Variants in PAM observed in about 807,000 individuals in gnomAD.
The protein encoded by PAM is peptidylglycine alpha-amidating monooxygenase, also known as peptidyl-glycine alpha-amidating monooxygenase.
A neutral mutation model predicts 122.1 loss-of-function variants in PAM; 72 were observed. The observed-to-expected ratio is 0.59, with a 90% CI of 0.49 to 0.72. PAM has a LOEUF of 0.72. Ranked by LOEUF, PAM falls within the 30% of genes least tolerant of loss-of-function variation. PAM has a pLI of 0.00. For missense variants in PAM, 1,106 were observed against 1,183.7 expected (o/e 0.93, Z 0.96); for synonymous variants, 389 against 404.4 (o/e 0.96, Z 0.46).
intron 12 of PAM, among the ~76,000 whole-genome samples, chr5:102,956,409 C>T (rs772324512): frequency 5.3e-5 from 8 of 152,040 alleles, no homozygotes; most frequent in Non-Finnish European, 8.8e-5. Flanking sequence ...AAATAACCTG[C>T]GACCTTAGCT....
intron 15 of PAM, among the ~76,000 whole-genome samples, chr5:102,979,030 T>TCACACACA (rs10578523): frequency 1.4e-5 from 2 of 147,814 alleles, no homozygotes; most frequent in African/African-American, 5.0e-5. Flanking sequence ...TTATTCTGCA[T>TCACACACA]CACACACACA....
At chr5:102,778,478 A>G (rs1181421407) in intron 1 of PAM, among the ~76,000 whole-genome samples, 2 of 152,152 alleles carry the variant, frequency 1.3e-5, no homozygotes, top group Non-Finnish European at 2.9e-5. Context: ...AAGGATTCAG[A>G]ATAATCAAAA....
intron 1 of PAM, among the ~76,000 whole-genome samples, chr5:102,844,982 A>G (rs1267052495): frequency 6.6e-6 from 1 of 152,182 alleles, no homozygotes; most frequent in African/African-American, 2.4e-5. Flanking sequence ...ATTCCTCTCA[A>G]CCTGTGTTAT....
At chr5:102,924,477 C>A (rs995148906) in intron 5 of PAM, among the ~76,000 whole-genome samples, 1 of 151,132 alleles carries the variant, frequency 6.6e-6, no homozygotes, top group Admixed American at 6.6e-5. Context: ...AAGGGACACA[C>A]TTGTATTGCT....
chr5:103,027,968 A>C (rs537472352), intron 24 of PAM, among the ~76,000 whole-genome samples: 2 of 152,326 alleles, frequency 1.3e-5, no homozygotes, highest in Admixed American at 1.3e-4. Context: ...AAGACTGCAC[A>C]GCCAGTAAGA....
chr5:102,896,951 G>A (rs774793021), intron 3 of PAM, among the ~76,000 whole-genome samples: 4 of 151,564 alleles, frequency 2.6e-5, no homozygotes, highest in Non-Finnish European at 5.9e-5. Flanking sequence ...CAAACACCAC[G>A]GAGTTAGTGT....
chr5:102,897,487 T>C (rs1796545235), intron 3 of PAM, among the ~76,000 whole-genome samples: 1 of 151,698 alleles, frequency 6.6e-6, no homozygotes, highest in Non-Finnish European at 1.5e-5. Flanking sequence ...CTCTCCATCA[T>C]CTTTCACAGT....
chr5:102,847,593 G>A (rs935676690), intron 1 of PAM, among the ~76,000 whole-genome samples: 8 of 152,062 alleles, frequency 5.3e-5, no homozygotes, highest in Admixed American at 1.3e-4. Flanking sequence ...AAGAAAATTC[G>A]ATATTTAAAA....
At chr5:102,987,717 A>G in intron 15 of PAM, 1 of 349,828 alleles carries the variant, frequency 2.9e-6, no homozygotes, top group Admixed American at 4.1e-5. Flanking sequence ...AGCCATTTGC[A>G]ATTGTTCTCC....
At chr5:102,803,111 A>G (rs968377436) in intron 1 of PAM, among the ~76,000 whole-genome samples, 1 of 150,150 alleles carries the variant, frequency 6.7e-6, no homozygotes, top group African/African-American at 2.5e-5. Flanking sequence ...CAACAGAGAG[A>G]GATTCTGTGT....
intron 1 of PAM, among the ~76,000 whole-genome samples, chr5:102,760,519 G>A (rs1174768516): frequency 6.6e-6 from 1 of 152,114 alleles, no homozygotes; most frequent in Non-Finnish European, 1.5e-5. Context: ...AATGGAATAC[G>A]ATTTTAAAAA....
intron 12 of PAM, among the ~76,000 whole-genome samples, chr5:102,954,118 T>C (rs1759910325): frequency 6.6e-6 from 1 of 152,174 alleles, no homozygotes; most frequent in Non-Finnish European, 1.5e-5. Flanking sequence ...ACTGTATCCA[T>C]ATATTAAAAA....
In PAM at chr5:102,930,082, T is replaced by TTTTG. The variant is rs541594467; in HGVS notation, c.526+3427_526+3430dup. 3.3e-5 allele frequency among the ~76,000 whole-genome samples: 5 copies of TTTTG among 152,290 alleles called. No individual in the cohort carries two copies. The East Asian group carries it at 7.7e-4, about 24-fold the overall frequency. On this transcript the variant is annotated intron_variant, in intron 7 of 25. Coordinates refer to ENST00000438793, the MANE Select transcript of PAM (RefSeq NM_001177306.2). ...ATAAAATGTTTGCTTTACTTTGTTT[T>TTTTG]TTTGTTTGTTTGTTTGGTGTTTTGG...
chr5:102,807,055 T>G (rs1274939268), intron 1 of PAM, among the ~76,000 whole-genome samples: 1 of 152,248 alleles, frequency 6.6e-6, no homozygotes, highest in Non-Finnish European at 1.5e-5. Context: ...AATGACAACC[T>G]TCATTTTTGA....
intron 16 of PAM, among the ~76,000 whole-genome samples, chr5:102,996,468 G>A (rs920271025): frequency 2.0e-5 from 3 of 152,154 alleles, no homozygotes; most frequent in African/African-American, 7.2e-5. Flanking sequence ...CTGTTCAAGG[G>A]TTACCTTTCT....
intron 1 of PAM, among the ~76,000 whole-genome samples, chr5:102,788,033 C>T (rs1429601588): frequency 6.6e-6 from 1 of 152,024 alleles, no homozygotes; most frequent in East Asian, 1.9e-4. Flanking sequence ...CGTAAAAATA[C>T]TTGAGGAAAG....
chr5:102,809,366 A>T (rs75592218), intron 1 of PAM, among the ~76,000 whole-genome samples: 2 of 151,464 alleles, frequency 1.3e-5, no homozygotes, highest in Non-Finnish European at 2.9e-5. Context: ...AAAAAAAAAA[A>T]AAAAAGAAAA....
At chr5:102,865,130 A>G (rs944674068) in intron 1 of PAM, 2 of 152,238 alleles carry the variant, frequency 1.3e-5, no homozygotes, top group African/African-American at 4.8e-5. Context: ...TTATGAGTAC[A>G]AAATTATTAT....
chr5:102,761,516 C>G (rs536395190), intron 1 of PAM, among the ~76,000 whole-genome samples: 14 of 152,244 alleles, frequency 9.2e-5, no homozygotes, highest in Middle Eastern at 3.4e-3. Context: ...GTCTGAGGCC[C>G]TTATGGAAGA....
Sources: allele counts gnomAD v4.1 joint callset (sites outside exome capture counted in the v4.1 genomes callset), GRCh38; gene constraint gnomAD v4.1.1; transcripts MANE v1.5; gene names NCBI Gene and HGNC (gene_info 2026-07-23, HGNC 2026-07-21).